Variants in CLIC5 observed in about 807,000 individuals in gnomAD.
CLIC5 encodes the protein chloride intracellular channel protein 5.
CLIC5 carries 20 observed loss-of-function variants against 24.7 expected under a neutral mutation model. That is an observed-to-expected ratio of 0.81 (90% CI 0.57 to 1.18). The LOEUF is 1.18. Ranked by LOEUF, CLIC5 falls within the 50% of genes most tolerant of loss-of-function variation. The pLI is 0.00. For missense variants in CLIC5, 341 were observed against 326.1 expected (o/e 1.05, Z -0.35); for synonymous variants, 159 against 135.6 (o/e 1.17, Z -1.20).
chr6:46,107,482 T>A, the CLIC5 span, among the ~76,000 whole-genome samples: 8 of 152,186 alleles, frequency 5.3e-5, no homozygotes, highest in Non-Finnish European at 1.2e-4. Context: ...GCTTATTTCC[T>A]AGGGTTTTCA....
chr6:45,981,698 T>C (rs999223741), intron 1 of CLIC5, among the ~76,000 whole-genome samples: 1 of 152,162 alleles, frequency 6.6e-6, no homozygotes, highest in Non-Finnish European at 1.5e-5. Context: ...AGGAAGACTC[T>C]CTGTCTGATG....
intron 1 of CLIC5, among the ~76,000 whole-genome samples, chr6:46,003,630 A>G (rs191219372): frequency 9.3e-4 from 141 of 152,138 alleles, no homozygotes; most frequent in Admixed American, 7.3e-3. Context: ...TTAAATTTCC[A>G]CTGTTAGACT....
intron 1 of CLIC5, among the ~76,000 whole-genome samples, chr6:45,989,836 T>A (rs1184084671): frequency 6.6e-6 from 1 of 152,172 alleles, no homozygotes; most frequent in Non-Finnish European, 1.5e-5. Context: ...AACTTCACCA[T>A]CAGGACATTG....
downstream of CLIC5, chr6:45,880,855 C>CTGCA (rs1581701072): frequency 1.9e-5 from 6 of 312,730 alleles, no homozygotes; most frequent in East Asian, 2.9e-4. Context: ...TTTAATTGAA[C>CTGCA]TGCAGCAGGG....
chr6:46,025,301 C>T (rs1767298650), intron 1 of CLIC5, among the ~76,000 whole-genome samples: 1 of 152,078 alleles, frequency 6.6e-6, no homozygotes, highest in Non-Finnish European at 1.5e-5. Context: ...TTATTTTTCC[C>T]CAAATGTGTA....
In CLIC5 at chr6:45,899,251, C is replaced by T. The variant is rs549765114; in HGVS notation, c.*3837G>A. On this transcript the variant is annotated 3_prime_UTR_variant, in exon 6 of 6. Coordinates refer to ENST00000339561, the MANE Select transcript of CLIC5 (RefSeq NM_016929.5). Reference sequence around the variant, plus strand: ...GTGCTTCACATGCACATGTCTTTCTCTGATGCTTTCTTAAGATTCTCCTTA... The same window carrying T: ...GTGCTTCACATGCACATGTCTTTCTTTGATGCTTTCTTAAGATTCTCCTTA... The T allele has an allele frequency of 6.6e-6, 1 of 152,322 alleles. No individual in the cohort carries two copies. Among genetic ancestry groups the T allele is most frequent in the Non-Finnish European group, 1.5e-5 (1 of 68,026 alleles). 9.4% of individuals were successfully genotyped at this position (152,322 alleles called of 1,614,324 possible).
chr6:45,920,162 A>G, intron 4 of CLIC5: 1 of 977,908 alleles, frequency 1.0e-6, no homozygotes, highest in Non-Finnish European at 1.2e-6. Context: ...GTGTTCTGCT[A>G]CCAGTGCTTG....
the CLIC5 span, among the ~76,000 whole-genome samples, chr6:46,121,047 C>G: frequency 6.6e-6 from 1 of 152,280 alleles, no homozygotes; most frequent in Non-Finnish European, 1.5e-5. Context: ...TCTAGCAAGG[C>G]AGGCCAACAT....
At chr6:46,100,642 T>C in the CLIC5 span, among the ~76,000 whole-genome samples, 1 of 152,206 alleles carries the variant, frequency 6.6e-6, no homozygotes, top group Non-Finnish European at 1.5e-5. Flanking sequence ...ATGTTAATCA[T>C]ATACCTTTTA....
chr6:46,079,219 A>G (rs1301802621), intron 1 of CLIC5, among the ~76,000 whole-genome samples: 1 of 152,172 alleles, frequency 6.6e-6, no homozygotes, highest in African/African-American at 2.4e-5. Flanking sequence ...TCAAATTTTT[A>G]GTTATATTGG....
intron 4 of CLIC5, among the ~76,000 whole-genome samples, chr6:45,925,315 C>T (rs899654147): frequency 2.7e-5 from 4 of 145,606 alleles, no homozygotes; most frequent in South Asian, 4.2e-4. Context: ...GTCATTATTC[C>T]GCTTTTTTTT....
chr6:46,043,668 AAC>A (rs200681927), intron 1 of CLIC5, among the ~76,000 whole-genome samples: 1 of 152,292 alleles, frequency 6.6e-6, no homozygotes, highest in Non-Finnish European at 1.5e-5. Flanking sequence ...CAGTTCAGGC[AAC>A]ACACACACAC....
chr6:45,910,744 T>A (rs1283889393), intron 5 of CLIC5, among the ~76,000 whole-genome samples: 1 of 152,198 alleles, frequency 6.6e-6, no homozygotes, highest in African/African-American at 2.4e-5. Context: ...TTTTTTGTGA[T>A]GCTGGGGCTA....
At chr6:45,987,413 T>C (rs549459916) in intron 1 of CLIC5, among the ~76,000 whole-genome samples, 1 of 152,208 alleles carries the variant, frequency 6.6e-6, no homozygotes, top group Non-Finnish European at 1.5e-5. Flanking sequence ...TACAGTGCCT[T>C]ATAGACAGAT....
chr6:46,101,772 A>T, the CLIC5 span, among the ~76,000 whole-genome samples: 1 of 152,318 alleles, frequency 6.6e-6, no homozygotes, highest in South Asian at 2.1e-4. Context: ...TAAACCAACA[A>T]CCTCATATGA....
chr6:46,124,262 C>T, the CLIC5 span, among the ~76,000 whole-genome samples: 36 of 152,208 alleles, frequency 2.4e-4, no homozygotes, highest in African/African-American at 7.0e-4. Context: ...AGAACAGAGC[C>T]CTCAGAAATA....
chr6:45,939,463 A>G (rs532871672), intron 4 of CLIC5, among the ~76,000 whole-genome samples: 25 of 152,050 alleles, frequency 1.6e-4, no homozygotes, highest in South Asian at 1.3e-3. Context: ...CAGTGCTGGG[A>G]TGTAGTCAAG....
Position 45,902,465 on chromosome 6 carries a change from T to C in CLIC5, c.*623A>G, listed in dbSNP as rs1762536015. On this transcript the variant is annotated 3_prime_UTR_variant, in exon 6 of 6. Transcript: ENST00000339561. ...GGTGCGCAGCAGCAGCAGCGCAGCA[T>C]TCCTGGCACTGCAACAAACTGAGAA... The C allele has an allele frequency of 6.5e-6, 1 of 153,586 alleles. No homozygotes were observed. Among genetic ancestry groups the C allele is most frequent in the Admixed American group, 6.4e-5 (1 of 15,524 alleles). 9.5% of individuals were successfully genotyped at this position (153,586 alleles called of 1,614,324 possible).
intron 1 of CLIC5, among the ~76,000 whole-genome samples, chr6:45,973,087 T>C (rs561880374): frequency 3.9e-5 from 6 of 152,290 alleles, no homozygotes; most frequent in African/African-American, 1.2e-4. Flanking sequence ...TTTATTGAAA[T>C]TCCATGACTT....
Sources: gnomAD v4.1 joint callset for allele counts (sites outside exome capture counted in the v4.1 genomes callset) on GRCh38, gnomAD v4.1.1 for gene constraint, MANE v1.5 for transcripts, NCBI Gene and HGNC (gene_info 2026-07-23, HGNC 2026-07-21) for gene names.